CSMD2: variants seen among roughly 807,000 people sequenced by gnomAD.
The protein encoded by CSMD2 is CUB and Sushi multiple domains 2.
CSMD2 carries 130 observed loss-of-function variants against 398.5 expected under a neutral mutation model. That is an observed-to-expected ratio of 0.33 (90% CI 0.28 to 0.38). CSMD2 has a LOEUF of 0.38. Ranked by LOEUF, CSMD2 falls within the 10% of genes least tolerant of loss-of-function variation. The pLI is 1.00. For synonymous variants in CSMD2, 1,828 were observed against 1,908.5 expected (o/e 0.96, Z 1.10); for missense variants, 3,829 against 4,764.9 (o/e 0.80, Z 5.78).
In CSMD2 at chr1:33,657,929, C is replaced by T; in HGVS notation, c.4447+17G>A. The T allele has an allele frequency of 6.2e-7, 1 of 1,603,126 alleles. No individual in the cohort carries two copies. Among genetic ancestry groups the T allele is most frequent in the South Asian group, 1.1e-5 (1 of 90,128 alleles). ...GTGAGCCCCAAGAGCAGAGTGCACC[C>T]TGCAGCTGCTTTGTACCGATGCATG... On this transcript the variant is annotated intron_variant, in intron 27 of 70. Coordinates refer to ENST00000373381, the MANE Select transcript of CSMD2 (RefSeq NM_001281956.2).
chr1:33,581,552 A>AT, intron 47 of CSMD2, among the ~76,000 whole-genome samples: 1 of 147,396 alleles, frequency 6.8e-6, no homozygotes, highest in Non-Finnish European at 1.5e-5. Flanking sequence ...AAAAAAAAAA[A>AT]AAGAAAAGAA....
At chr1:33,711,796 C>T (rs796245688) in intron 21 of CSMD2, among the ~76,000 whole-genome samples, 64 of 152,292 alleles carry the variant, frequency 4.2e-4, no homozygotes, top group African/African-American at 1.5e-3. Context: ...CAGCACGAGC[C>T]TCTCCTCCTT....
At chr1:33,850,543 T>TA (rs1638631484) in intron 5 of CSMD2, among the ~76,000 whole-genome samples, 1 of 151,978 alleles carries the variant, frequency 6.6e-6, no homozygotes, top group East Asian at 1.9e-4. Context: ...GTTCCTCTTC[T>TA]CCCCCCTCCT....
intron 2 of CSMD2, among the ~76,000 whole-genome samples, chr1:34,064,194 T>G (rs1352173723): frequency 2.0e-5 from 3 of 152,216 alleles, no homozygotes; most frequent in Admixed American, 6.5e-5. Flanking sequence ...GGGATTAACA[T>G]TTGGTTCCTT....
chr1:33,564,065 C>T (rs1231463151), intron 53 of CSMD2, among the ~76,000 whole-genome samples: 1 of 144,504 alleles, frequency 6.9e-6, no homozygotes, highest in East Asian at 2.0e-4. Context: ...TTACTACCAC[C>T]ACTACCATCA....
intron 10 of CSMD2, among the ~76,000 whole-genome samples, chr1:33,805,215 G>A (rs1203530004): frequency 6.6e-6 from 1 of 152,152 alleles, no homozygotes; most frequent in East Asian, 1.9e-4. Flanking sequence ...AAAAGAAAAT[G>A]GAGATAAGGA....
At chr1:33,657,740 G>A (rs980546956) in intron 27 of CSMD2, among the ~76,000 whole-genome samples, 23 of 152,220 alleles carry the variant, frequency 1.5e-4, no homozygotes, top group African/African-American at 5.1e-4. Context: ...GGAATTTGTA[G>A]TGCTCTGTGT....
intron 44 of CSMD2, among the ~76,000 whole-genome samples, chr1:33,595,097 T>C (rs1321790877): frequency 2.0e-5 from 3 of 152,238 alleles, no homozygotes; most frequent in Non-Finnish European, 4.4e-5. Flanking sequence ...CATTCAAGTT[T>C]CACCTGTTTT....
chr1:34,053,202 G>A (rs1240222712), intron 2 of CSMD2, among the ~76,000 whole-genome samples: 1 of 152,122 alleles, frequency 6.6e-6, no homozygotes, highest in Non-Finnish European at 1.5e-5. Context: ...AATAGAATAA[G>A]CAAGTTCATG....
intron 12 of CSMD2, among the ~76,000 whole-genome samples, chr1:33,782,385 C>T (rs1395291398): frequency 1.3e-5 from 2 of 152,154 alleles, no homozygotes; most frequent in Non-Finnish European, 2.9e-5. Flanking sequence ...AAATGTCAGG[C>T]CCTATGCTGG....
chr1:33,565,448 A>C (rs1440704808), intron 53 of CSMD2, among the ~76,000 whole-genome samples: 1 of 152,188 alleles, frequency 6.6e-6, no homozygotes, highest in East Asian at 1.9e-4. Context: ...ACCACACACA[A>C]AACCTTATAT....
Position 34,077,736 on chromosome 1 carries a change from CAAAAAAAA to C in CSMD2, c.404+11233_404+11240del, listed in dbSNP as rs59532141. Reference sequence around the variant, plus strand: ...TGGGCCACACAGCAAGACTCCATCTCAAAAAAAAAAAAAAAAAAAAAAAAAAAATGCTG... The same window carrying C: ...TGGGCCACACAGCAAGACTCCATCTCAAAAAAAAAAAAAAAAAAAATGCTG... On this transcript the variant is annotated intron_variant, in intron 2 of 70. Transcript: ENST00000373381. 1.2e-3 allele frequency among the ~76,000 whole-genome samples: 45 copies of C among 38,366 alleles called. No individual in the cohort carries two copies. The Middle Eastern group carries it at 0.065, about 56-fold the overall frequency. 25.2% of individuals were successfully genotyped at this position (38,366 alleles called of 152,430 possible).
intron 44 of CSMD2, among the ~76,000 whole-genome samples, chr1:33,596,922 T>C (rs1417939226): frequency 6.6e-6 from 1 of 152,228 alleles, no homozygotes; most frequent in East Asian, 1.9e-4. Flanking sequence ...ATTTATCTCT[T>C]GGCCAGATCT....
intron 10 of CSMD2, among the ~76,000 whole-genome samples, chr1:33,809,514 A>G (rs1267074473): frequency 2.6e-5 from 4 of 152,042 alleles, no homozygotes; most frequent in African/African-American, 9.7e-5. Flanking sequence ...CCCTAATTCT[A>G]TTATAAAAGG....
chr1:34,124,663 G>A (rs1662555729), intron 1 of CSMD2, among the ~76,000 whole-genome samples: 1 of 152,174 alleles, frequency 6.6e-6, no homozygotes, highest in South Asian at 2.1e-4. Flanking sequence ...TCAATGCGAG[G>A]TTGGCATCCC....
intron 4 of CSMD2, among the ~76,000 whole-genome samples, chr1:33,920,374 CAAAA>C (rs35843397): frequency 9.1e-5 from 10 of 110,096 alleles, no homozygotes; most frequent in Non-Finnish European, 9.8e-5. Context: ...ACTAAAAATA[CAAAA>C]AAAAAAAAAA....
chr1:33,681,333 T>C (rs1454896370), intron 25 of CSMD2, among the ~76,000 whole-genome samples: 1 of 152,202 alleles, frequency 6.6e-6, no homozygotes, highest in South Asian at 2.1e-4. Context: ...TTAAATTCTA[T>C]GGGTGGTTTT....
intron 1 of CSMD2, among the ~76,000 whole-genome samples, chr1:34,098,264 G>T (rs1245107525): frequency 3.4e-5 from 4 of 119,208 alleles, no homozygotes; most frequent in African/African-American, 1.3e-4. Flanking sequence ...GGACTGTTGT[G>T]GGGTGGGGGG....
intron 15 of CSMD2, among the ~76,000 whole-genome samples, chr1:33,732,454 T>C (rs1646751034): frequency 6.6e-6 from 1 of 152,132 alleles, no homozygotes; most frequent in African/African-American, 2.4e-5. Flanking sequence ...AGGACTGGTG[T>C]CCTCATTATA....
Sources: gnomAD v4.1 joint callset for allele counts (sites outside exome capture counted in the v4.1 genomes callset) on GRCh38, gnomAD v4.1.1 for gene constraint, MANE v1.5 for transcripts, NCBI Gene and HGNC (gene_info 2026-07-23, HGNC 2026-07-21) for gene names.